The following BAHD1 variants were observed in gnomAD, a reference collection of about 807,000 sequenced individuals.
BAHD1 encodes bromo adjacent homology domain-containing 1 protein.
BAHD1 carries 20 observed loss-of-function variants against 63.1 expected under a neutral mutation model. That is an observed-to-expected ratio of 0.32 (90% CI 0.22 to 0.46). The LOEUF is 0.46. BAHD1 is among the 20% of genes least tolerant of loss of function. BAHD1 has a pLI of 1.00. For synonymous variants in BAHD1, 408 were observed against 426.8 expected (o/e 0.96, Z 0.54); for missense variants, 939 against 1,071.8 (o/e 0.88, Z 1.73).
chr15:40,455,873 GCTT>G (rs1351678075), intron 1 of BAHD1, among the ~76,000 whole-genome samples: 3 of 152,246 alleles, frequency 2.0e-5, no homozygotes, highest in Non-Finnish European at 1.5e-5. Context: ...ATACTGATGT[GCTT>G]CTGCTGCTTC....
chr15:40,445,003 A>T (rs1893497092), intron 1 of BAHD1, among the ~76,000 whole-genome samples: 1 of 151,866 alleles, frequency 6.6e-6, no homozygotes, highest in South Asian at 2.1e-4. Flanking sequence ...CTTCTACTGT[A>T]GCAGGAGAAA....
chr15:40,443,239 A>T, intron 1 of BAHD1: 1 of 984,988 alleles, frequency 1.0e-6, no homozygotes, highest in Non-Finnish European at 1.2e-6. Context: ...TAGCATGGGC[A>T]TGGGAGTTTA....
intron 1 of BAHD1, among the ~76,000 whole-genome samples, 153 bp downstream of exon 1, chr15:40,441,421 GGGACGGAC>G (rs1028475193): frequency 3.3e-5 from 5 of 150,414 alleles, no homozygotes; most frequent in African/African-American, 1.2e-4. Context: ...AGCCCGGGAA[GGGACGGAC>G]GGACGGACGA....
intron 1 of BAHD1, among the ~76,000 whole-genome samples, chr15:40,457,025 G>A (rs995200889): frequency 1.3e-5 from 2 of 152,178 alleles, no homozygotes; most frequent in Non-Finnish European, 2.9e-5. Flanking sequence ...CCAGGCTGCC[G>A]CAGGTGTATG....
Position 40,466,278 on chromosome 15 carries a change from G to A in BAHD1, c.*148G>A, listed in dbSNP as rs12102072. On this transcript the variant is annotated 3_prime_UTR_variant, in exon 7 of 7. Transcript: ENST00000416165. ...CTTGGGGGGGAGGGCAGGGGCCCCT[G>A]TGGGTTCTGGGCTCCAGGGGAGGGA... is the stretch of plus-strand genomic sequence containing the variant. The A allele has an allele frequency of 0.012, 8,803 of 724,880 alleles. 659 individuals are homozygous for A. In the African/African-American group the frequency reaches 0.15, roughly 12 times the overall value. 44.9% of individuals were successfully genotyped at this position (724,880 alleles called of 1,614,324 possible).
intron 1 of BAHD1, among the ~76,000 whole-genome samples, chr15:40,449,444 TA>T (rs1893640332): frequency 1.3e-5 from 2 of 152,096 alleles, no homozygotes; most frequent in Non-Finnish European, 2.9e-5. Context: ...CTTAATGGTT[TA>T]GGGGCAGCCA....
chr15:40,457,302 A>G (rs537481028), intron 1 of BAHD1, among the ~76,000 whole-genome samples: 27 of 151,248 alleles, frequency 1.8e-4, no homozygotes, highest in African/African-American at 6.1e-4. Context: ...ACCCCCAGGA[A>G]TATGCTGATC....
intron 3 of BAHD1, 63 bp downstream of exon 3, chr15:40,462,357 G>A (rs1169797511): frequency 6.5e-6 from 10 of 1,538,958 alleles, no homozygotes; most frequent in Non-Finnish European, 8.8e-6. Flanking sequence ...ATGACCTGCA[G>A]TGAGGTAGGT....
At chr15:40,439,168 TG>T (rs1333840154), upstream of BAHD1, among the ~76,000 whole-genome samples, 1 of 151,982 alleles carries the variant, frequency 6.6e-6, no homozygotes, top group African/African-American at 2.4e-5. Context: ...TCCCCAAGGG[TG>T]GGAGGTGGGA....
At position 40,462,109 on chromosome 15, in the gene BAHD1, G is replaced by A. The variant is rs144296883; in HGVS notation, c.1630G>A (p.Gly544Ser). The change falls in exon 3 of 7, where the codon GGT becomes AGT. Residue 544 changes from glycine (G) to serine (S), a missense_variant. By Grantham distance (56) the Gly-to-Ser change is moderately conservative. This residue lies in a region of BAHD1 where 797 missense variants were observed against 813.3 expected (regional missense o/e 0.98). Transcript: ENST00000416165. ...CCCTCAGAGCGCCAAACCTCCCAGC[G>A]GTTCTAAGTCAGGTCTGCGCACAGG... ...ACPQSAKPPS[G>S]SKSGLRTGSS... 39 of 1,612,918 alleles carry A rather than the reference G, an allele frequency of 2.4e-5. No individual in the cohort carries two copies. The highest frequency in any genetic ancestry group is 3.1e-5 in the Non-Finnish European group (37 of 1,179,964).
upstream of BAHD1, among the ~76,000 whole-genome samples, chr15:40,439,376 A>C (rs1893341878): frequency 6.6e-6 from 1 of 152,206 alleles, no homozygotes. Flanking sequence ...GTTGTTTCCC[A>C]GCCATATTGG....
chr15:40,466,237 G>C lies in BAHD1; in HGVS notation c.*107G>C. 9.4e-7 allele frequency: 1 copy of C among 1,065,180 alleles called. No individual in the cohort carries two copies. The highest frequency in any genetic ancestry group is 2.8e-5 in the East Asian group (1 of 35,802). 66.0% of individuals were successfully genotyped at this position (1,065,180 alleles called of 1,614,324 possible). A position where few individuals can be genotyped will look rare whatever the true frequency, so the allele number is the denominator to read the frequency against. ...TAGGGGGCCACAGAGGCCTAAGTTT[G>C]CTGGCCTGTGGTTTTCTTGGGGGGG... is the stretch of plus-strand genomic sequence containing the variant. On this transcript the variant is annotated 3_prime_UTR_variant, in exon 7 of 7. Coordinates refer to ENST00000416165, the MANE Select transcript of BAHD1 (RefSeq NM_014952.5).
chr15:40,456,050 G>A (rs767083210), intron 1 of BAHD1, among the ~76,000 whole-genome samples: 20 of 152,220 alleles, frequency 1.3e-4, no homozygotes, highest in Non-Finnish European at 2.2e-4. Context: ...TTGGCTCACT[G>A]CAACCTCCAC....
At chr15:40,443,172 A>C (rs992008436) in intron 1 of BAHD1, 46 of 773,208 alleles carry the variant, frequency 5.9e-5, no homozygotes, top group Non-Finnish European at 7.1e-5. Flanking sequence ...AGCCGCTCTC[A>C]ACTGTGGTTG....
At chr15:40,440,513 G>C (rs1446307144), upstream of BAHD1, among the ~76,000 whole-genome samples, 1 of 150,104 alleles carries the variant, frequency 6.7e-6, no homozygotes, top group Non-Finnish European at 1.5e-5. Flanking sequence ...TGCTGGGGAG[G>C]ATTTGGGGGA....
At chr15:40,439,463 T>C (rs138547531), upstream of BAHD1, among the ~76,000 whole-genome samples, 443 of 152,286 alleles carry the variant, frequency 2.9e-3, 1 homozygote, top group African/African-American at 0.01. Flanking sequence ...CTGGGCGCTG[T>C]GTGTGGTGCA....
At chr15:40,457,128 C>G (rs1159024640) in intron 1 of BAHD1, among the ~76,000 whole-genome samples, 4 of 152,206 alleles carry the variant, frequency 2.6e-5, no homozygotes, top group Non-Finnish European at 5.9e-5. Flanking sequence ...TCCTTGCATC[C>G]TGCCCCTGCC....
chr15:40,442,241 G>C (rs1893424483), intron 1 of BAHD1, among the ~76,000 whole-genome samples: 1 of 151,964 alleles, frequency 6.6e-6, no homozygotes, highest in African/African-American at 2.4e-5. Context: ...GGAGGGGAGC[G>C]GGTCCGAGGC....
At position 40,459,536 on chromosome 15, in the gene BAHD1, C is replaced by G; in HGVS notation, c.1072C>G (p.Pro358Ala). ...PTPQLSPLPMPGNPADYNGLC... is the reference protein window; with the variant it reads ...PTPQLSPLPMAGNPADYNGLC... Reference sequence around the variant, plus strand: ...ACCTCAGCTGTCGCCGCTGCCGATGCCTGGCAACCCCGCCGACTACAATGG... The same window carrying G: ...ACCTCAGCTGTCGCCGCTGCCGATGGCTGGCAACCCCGCCGACTACAATGG... Residue 358 changes from proline to alanine, a missense_variant, in exon 2 of 7, where the codon CCT (proline) becomes GCT (alanine). Physicochemically the swap from Pro to Ala is conservative, Grantham distance 27. Around this residue, in one of 5 missense-constraint regions of BAHD1, gnomAD observed 797 missense variants for 813.3 expected, o/e 0.98. Coordinates refer to ENST00000416165, the MANE Select transcript of BAHD1 (RefSeq NM_014952.5). The G allele has an allele frequency of 6.2e-7, 1 of 1,614,154 alleles. No individual in the cohort carries two copies. Among genetic ancestry groups the G allele is most frequent in the Non-Finnish European group, 8.5e-7 (1 of 1,180,036 alleles).
Sources: allele counts gnomAD v4.1 joint callset (sites outside exome capture counted in the v4.1 genomes callset), GRCh38; gene constraint gnomAD v4.1.1; regional missense constraint gnomAD v4.1.1; transcripts MANE v1.5; gene names NCBI Gene and HGNC (gene_info 2026-07-23, HGNC 2026-07-21).